The following STAG1 variants were observed in gnomAD, a reference collection of about 807,000 sequenced individuals.
The protein encoded by STAG1 is cohesin subunit SA-1.
STAG1 carries 26 observed loss-of-function variants against 170.9 expected under a neutral mutation model. The observed-to-expected ratio is 0.15, with a 90% confidence interval of 0.11 to 0.21. The LOEUF (loss-of-function observed/expected upper bound fraction) is 0.21. Among genes scored for constraint, STAG1 ranks in the 10% least tolerant of loss-of-function variants. The pLI is 1.00. For missense variants in STAG1, 964 were observed against 1,509.5 expected (o/e 0.64, Z 5.99); for synonymous variants, 514 against 497.7 (o/e 1.03, Z -0.44).
At chr3:136,373,870 C>T (rs1937477560) in intron 23 of STAG1, among the ~76,000 whole-genome samples, 1 of 152,116 alleles carries the variant, frequency 6.6e-6, no homozygotes, top group African/African-American at 2.4e-5. Flanking sequence ...CTGCTTGGTG[C>T]AGAGTTGAGT....
intron 1 of STAG1, among the ~76,000 whole-genome samples, chr3:136,656,680 T>C (rs1941387486): frequency 7.2e-6 from 1 of 138,796 alleles, no homozygotes; most frequent in Non-Finnish European, 1.5e-5. Context: ...AATGAGTGAA[T>C]AACCCACATA....
chr3:136,726,248 C>G (rs1933681461), intron 1 of STAG1, among the ~76,000 whole-genome samples: 1 of 152,166 alleles, frequency 6.6e-6, no homozygotes, highest in Non-Finnish European at 1.5e-5. Context: ...TAGCATACAC[C>G]ATCATCCCCA....
In STAG1 at chr3:136,655,632, G is replaced by A. The variant is rs61660051; in HGVS notation, c.-83-24651C>T. On this transcript the variant is annotated intron_variant, in intron 1 of 33. Transcript: ENST00000383202. ...ATAAAAATTAGCCAGACATGGCGGC[G>A]CATGCCGGTAGTTCCAGCTACTCAG... is the stretch of plus-strand genomic sequence containing the variant. Among the ~76,000 whole-genome samples, 373 of 152,244 alleles carry A rather than the reference G, an allele frequency of 2.5e-3. 6 individuals are homozygous for A. Among genetic ancestry groups the A allele is most frequent in the African/African-American group, 8.8e-3 (365 of 41,548 alleles).
intron 25 of STAG1, 98 bp downstream of exon 25, chr3:136,366,845 G>A (rs1317422821): frequency 1.0e-5 from 10 of 979,218 alleles, no homozygotes; most frequent in Non-Finnish European, 1.5e-5. Context: ...CATTACATAG[G>A]TGAAAAGCTG....
At chr3:136,501,489 G>A (rs1933468728) in intron 8 of STAG1, among the ~76,000 whole-genome samples, 1 of 152,124 alleles carries the variant, frequency 6.6e-6, no homozygotes, top group African/African-American at 2.4e-5. Context: ...CACACAGGAA[G>A]AATGTCATGC....
intron 12 of STAG1, among the ~76,000 whole-genome samples, chr3:136,468,864 G>A (rs1233264041): frequency 2.0e-5 from 3 of 151,682 alleles, no homozygotes; most frequent in South Asian, 2.1e-4. Context: ...TCCAGCATAT[G>A]AACAGAACCA....
At chr3:136,718,626 T>C (rs975846684) in intron 1 of STAG1, among the ~76,000 whole-genome samples, 1 of 152,152 alleles carries the variant, frequency 6.6e-6, no homozygotes, top group African/African-American at 2.4e-5. Context: ...ATCTTAAATA[T>C]TCAGATAAAT....
chr3:136,521,129 T>A, intron 7 of STAG1, 84 bp downstream of exon 7: 3 of 1,123,002 alleles, frequency 2.7e-6, no homozygotes, highest in Non-Finnish European at 3.8e-6. Flanking sequence ...AATTTTTAAT[T>A]AAATCTTCTC....
intron 20 of STAG1, 79 bp downstream of exon 20, chr3:136,421,014 G>A: frequency 1.3e-6 from 1 of 785,228 alleles, no homozygotes; most frequent in South Asian, 2.1e-5. Flanking sequence ...CAAGCAATCT[G>A]CCCATCTCGG....
chr3:136,414,867 T>A (rs1362173205), intron 21 of STAG1, among the ~76,000 whole-genome samples: 3 of 152,192 alleles, frequency 2.0e-5, no homozygotes, highest in East Asian at 1.9e-4. Flanking sequence ...AGTTATTAAG[T>A]GGCCTAATTT....
intron 3 of STAG1, among the ~76,000 whole-genome samples, chr3:136,606,762 TTTTTTG>T (rs1938963913): frequency 6.7e-6 from 1 of 148,202 alleles, no homozygotes; most frequent in Admixed American, 6.6e-5. Flanking sequence ...TTTTTTTTTT[TTTTTTG>T]GGGACGAAGT....
intron 2 of STAG1, among the ~76,000 whole-genome samples, chr3:136,625,522 CAATT>C (rs1177827887): frequency 2.6e-5 from 4 of 152,100 alleles, no homozygotes; most frequent in African/African-American, 4.8e-5. Context: ...CACAGAGATA[CAATT>C]AATTAACTGA....
rs148036673 is a variant in STAG1 at position 136,455,032 on chromosome 3, C to T, written c.1314-2885G>A. ...TCAAACTGTAAGTTTCTCCAAGACA[C>T]GGGCCTAAAAAACATTTATGGAGTG... On this transcript the variant is annotated intron_variant, in intron 13 of 33. Transcript: ENST00000383202. Among the ~76,000 whole-genome samples the T allele has an allele frequency of 2.4e-3, 360 of 152,234 alleles. 3 individuals carry two copies. Among genetic ancestry groups the T allele is most frequent in the African/African-American group, 8.1e-3 (336 of 41,550 alleles).
rs201883776 is a variant in STAG1 at position 136,469,051 on chromosome 3, A to G, written c.1205+3362T>C. On this transcript the variant is annotated intron_variant, in intron 12 of 33. Transcript: ENST00000383202. ...TATCATACTGAATGGGCAAAAACTG[A>G]AAGCATTCCCTTTGAAAACTGGCAC... 5.1e-3 allele frequency among the ~76,000 whole-genome samples: 770 copies of G among 151,776 alleles called. 3 individuals are homozygous for G. Among genetic ancestry groups the G allele is most frequent in the Middle Eastern group, 0.014 (4 of 292 alleles).
chr3:136,657,196 T>C lies in STAG1; in HGVS notation c.-83-26215A>G, dbSNP rs1016423490. Among the ~76,000 whole-genome samples, 136 of 138,066 alleles carry C rather than the reference T, an allele frequency of 9.9e-4. 6 individuals carry two copies. The highest frequency in any genetic ancestry group is 2.0e-3 in the African/African-American group (74 of 36,930). 90.6% of individuals were successfully genotyped at this position (138,066 alleles called of 152,430 possible). On this transcript the variant is annotated intron_variant, in intron 1 of 33. Coordinates refer to ENST00000383202, the MANE Select transcript of STAG1 (RefSeq NM_005862.3). ...CTACACGTTTCTTTCTTTCTTTTTT[T>C]TTTTTTTTTTTTTTTTTTTTGAGAC...
chr3:136,736,500 C>A (rs1365224039), intron 1 of STAG1: 1 of 1,388,394 alleles, frequency 7.2e-7, no homozygotes, highest in African/African-American at 1.4e-5. Context: ...TGGTCATTCA[C>A]GCTGCTCCAT....
rs67810422 is a variant in STAG1 at position 136,633,962 on chromosome 3, T to TAAAAAAAAAAAAAAAAAAAAAAA, written c.-83-3004_-83-2982dup. ...AACATGGTGAAACCCTGTCTCTACT[T>TAAAAAAAAAAAAAAAAAAAAAAA]AAAAAAAAAAAAAAAAAAAAAAAAA... On this transcript the variant is annotated intron_variant, in intron 1 of 33. Transcript: ENST00000383202. Among the ~76,000 whole-genome samples the TAAAAAAAAAAAAAAAAAAAAAAA allele has an allele frequency of 7.9e-5, 4 of 50,356 alleles. 1 individual carries two copies. Among genetic ancestry groups the TAAAAAAAAAAAAAAAAAAAAAAA allele is most frequent in the Non-Finnish European group, 8.5e-5 (2 of 23,598 alleles). The allele number at this position is 50,356 out of a possible 152,430, so 33.0% of individuals were successfully genotyped here.
intron 1 of STAG1, among the ~76,000 whole-genome samples, chr3:136,688,291 T>A (rs561625602): frequency 1.3e-5 from 2 of 152,286 alleles, no homozygotes; most frequent in East Asian, 3.9e-4. Context: ...TATGTAAGTG[T>A]CTTCTCCAGT....
intron 6 of STAG1, among the ~76,000 whole-genome samples, chr3:136,526,208 T>C (rs192119500): frequency 5.9e-5 from 9 of 152,252 alleles, no homozygotes; most frequent in Admixed American, 2.0e-4. Flanking sequence ...TTAAAGCCTC[T>C]CATAATTATT....
Sources: allele counts gnomAD v4.1 joint callset (sites outside exome capture counted in the v4.1 genomes callset), GRCh38; gene constraint gnomAD v4.1.1; transcripts MANE v1.5; gene names NCBI Gene and HGNC (gene_info 2026-07-23, HGNC 2026-07-21).